The following BMPR1B variants were observed in gnomAD, a reference collection of about 807,000 sequenced individuals.
BMPR1B encodes bone morphogenetic protein receptor type 1B, also known as bone morphogenetic protein receptor type-1B.
In BMPR1B, 12 loss-of-function variants were observed where a neutral mutation model predicts 59.1. The ratio of observed to expected loss-of-function variants is 0.20; its 90% CI spans 0.13 to 0.33. The LOEUF is 0.33. Among genes scored for constraint, BMPR1B ranks in the 10% least tolerant of loss-of-function variants. The pLI is 1.00. For synonymous variants in BMPR1B, 237 were observed against 207.3 expected (o/e 1.14, Z -1.23); for missense variants, 550 against 610.9 (o/e 0.90, Z 1.05).
chr4:94,822,019 C>T (rs1277073099), intron 1 of BMPR1B, among the ~76,000 whole-genome samples: 1 of 152,170 alleles, frequency 6.6e-6, no homozygotes, highest in Non-Finnish European at 1.5e-5. Flanking sequence ...AACAGAATAC[C>T]TGAGACTGGG....
chr4:94,990,700 G>GT (rs1243447707), intron 2 of BMPR1B, among the ~76,000 whole-genome samples: 23 of 151,670 alleles, frequency 1.5e-4, no homozygotes, highest in African/African-American at 5.6e-4. Flanking sequence ...TGTTGTTGTT[G>GT]TTGTTTTTTA....
chr4:94,897,039 C>T (rs1418759771), intron 2 of BMPR1B, among the ~76,000 whole-genome samples: 1 of 152,000 alleles, frequency 6.6e-6, no homozygotes, highest in Non-Finnish European at 1.5e-5. Context: ...TTTTTCCTCA[C>T]AGGCTTTGCA....
chr4:94,800,761 A>G (rs1018594418), intron 1 of BMPR1B, among the ~76,000 whole-genome samples: 3 of 152,172 alleles, frequency 2.0e-5, no homozygotes, highest in Non-Finnish European at 4.4e-5. Context: ...CTATAAAACA[A>G]TTATCTAAAA....
At chr4:94,843,649 A>G (rs977638497) in intron 1 of BMPR1B, among the ~76,000 whole-genome samples, 9 of 146,404 alleles carry the variant, frequency 6.1e-5, no homozygotes, top group African/African-American at 2.4e-4. Flanking sequence ...GTATGTGTTT[A>G]GTCTATTCAA....
Position 94,919,649 on chromosome 4 carries a change from C to T in BMPR1B, c.-113+43749C>T, listed in dbSNP as rs913045519. ...TCTGTCTTTTCTTCTCATACTCTCC[C>T]GTGGCCACAAGGAGCAGGCCTTCTT... On this transcript the variant is annotated intron_variant, in intron 2 of 12. Transcript: ENST00000515059. Among the ~76,000 whole-genome samples, 7 of 152,196 alleles carry T rather than the reference C, an allele frequency of 4.6e-5. No individual in the cohort carries two copies. The East Asian group carries it at 7.7e-4, about 17-fold the overall frequency.
At chr4:95,073,764 C>G (rs1728496242) in intron 3 of BMPR1B, among the ~76,000 whole-genome samples, 1 of 152,176 alleles carries the variant, frequency 6.6e-6, no homozygotes, top group Middle Eastern at 3.2e-3. Context: ...GCCTATGCCA[C>G]TTTAAAGTCT....
intron 1 of BMPR1B, among the ~76,000 whole-genome samples, chr4:94,765,439 C>T (rs1045922450): frequency 6.6e-6 from 1 of 152,004 alleles, no homozygotes. Flanking sequence ...TCTCCCTGCT[C>T]GTTATATTTC....
chr4:95,006,089 G>A (rs1722806541), intron 3 of BMPR1B, among the ~76,000 whole-genome samples: 1 of 152,110 alleles, frequency 6.6e-6, no homozygotes, highest in Non-Finnish European at 1.5e-5. Flanking sequence ...TGGCCAACAT[G>A]GTGAAACCTC....
At chr4:94,781,340 G>A (rs1022832375) in intron 1 of BMPR1B, among the ~76,000 whole-genome samples, 2 of 152,044 alleles carry the variant, frequency 1.3e-5, no homozygotes, top group Admixed American at 6.6e-5. Flanking sequence ...TATAATGTCC[G>A]ATTTATCTAT....
At chr4:94,917,714 G>A (rs1728537578) in intron 2 of BMPR1B, among the ~76,000 whole-genome samples, 1 of 152,180 alleles carries the variant, frequency 6.6e-6, no homozygotes. Flanking sequence ...GGATTTTTGA[G>A]TTAGTGCTGG....
At chr4:94,810,144 AC>A (rs1723757667) in intron 1 of BMPR1B, among the ~76,000 whole-genome samples, 1 of 152,176 alleles carries the variant, frequency 6.6e-6, no homozygotes, top group African/African-American at 2.4e-5. Context: ...CTCAAGAAAT[AC>A]AGCTTTTTGA....
At chr4:95,004,434 T>G (rs988643450) in intron 3 of BMPR1B, among the ~76,000 whole-genome samples, 1 of 152,198 alleles carries the variant, frequency 6.6e-6, no homozygotes, top group East Asian at 1.9e-4. Flanking sequence ...CTTCTATTAT[T>G]TGTAATATTA....
rs767925715 is a variant in BMPR1B at position 95,125,117 on chromosome 4, T to G, written c.581T>G (p.Leu194Arg). Residue 194 changes from leucine to arginine, a missense_variant, in exon 8 of 13, where the codon CTG becomes CGG. Transcript: ENST00000515059. ...QSSGSGSGLP[L>R]LVQRTIAKQI... ...TCAGGAAGTGGATCAGGCCTCCCTC[T>G]GCTGGTATGAGAAGAACACATCTTG... 5.0e-6 allele frequency: 8 copies of G among 1,613,740 alleles called. No homozygotes were observed. Among genetic ancestry groups the G allele is most frequent in the Non-Finnish European group, 2.5e-6 (3 of 1,179,760 alleles).
intron 3 of BMPR1B, among the ~76,000 whole-genome samples, chr4:95,038,646 AT>A (rs1253991485): frequency 2.6e-5 from 4 of 152,200 alleles, no homozygotes; most frequent in Admixed American, 2.6e-4. Context: ...TACACATACC[AT>A]TTTAATAAAA....
chr4:95,117,762 G>T (rs559179082), intron 6 of BMPR1B, among the ~76,000 whole-genome samples: 230 of 152,010 alleles, frequency 1.5e-3, no homozygotes, highest in African/African-American at 5.4e-3. Context: ...CTGCAGCCTG[G>T]GTGGCAGAAT....
chr4:95,099,017 T>A (rs914186831), intron 3 of BMPR1B, among the ~76,000 whole-genome samples: 2 of 152,126 alleles, frequency 1.3e-5, no homozygotes, highest in African/African-American at 4.8e-5. Flanking sequence ...CACCCGGCCA[T>A]CAATTATTTT....
intron 3 of BMPR1B, among the ~76,000 whole-genome samples, chr4:95,052,101 T>C (rs1726548327): frequency 6.6e-6 from 1 of 152,222 alleles, no homozygotes; most frequent in Non-Finnish European, 1.5e-5. Flanking sequence ...AAAACAGCTA[T>C]TCTAACAAAC....
chr4:95,078,571 T>C (rs982403361), intron 3 of BMPR1B, among the ~76,000 whole-genome samples: 2 of 152,176 alleles, frequency 1.3e-5, no homozygotes, highest in African/African-American at 4.8e-5. Context: ...CTAATGAATT[T>C]AGTCAAAGCC....
chr4:95,101,318 T>G (rs1482320416), intron 3 of BMPR1B, among the ~76,000 whole-genome samples: 1 of 152,104 alleles, frequency 6.6e-6, no homozygotes, highest in Non-Finnish European at 1.5e-5. Context: ...GTCCTTGGCC[T>G]TGATGGTAAA....
Sources: allele counts gnomAD v4.1 joint callset (sites outside exome capture counted in the v4.1 genomes callset), GRCh38; gene constraint gnomAD v4.1.1; transcripts MANE v1.5; gene names NCBI Gene and HGNC (gene_info 2026-07-23, HGNC 2026-07-21).